Variants in CSNK1D observed in about 807,000 individuals in gnomAD.
The protein encoded by CSNK1D is casein kinase 1 delta, also known as casein kinase I isoform delta.
In CSNK1D, 16 loss-of-function variants were observed where a neutral mutation model predicts 46.6. That is an observed-to-expected ratio of 0.34 (90% CI 0.23 to 0.52). The LOEUF (loss-of-function observed/expected upper bound fraction) is 0.52. Ranked by LOEUF, CSNK1D falls within the 20% of genes least tolerant of loss-of-function variation. The probability of loss-of-function intolerance (pLI) is 0.95; values close to 1 mark genes in which losing one functional copy is unlikely to be tolerated. For synonymous variants in CSNK1D, 276 were observed against 228.2 expected (o/e 1.21, Z -1.89); for missense variants, 398 against 578.4 (o/e 0.69, Z 3.20).
In CSNK1D at chr17:82,249,139, C is replaced by G; in HGVS notation, c.1058-125G>C. ...CTGGACAGTCAGGACCTGGCTGTGG[C>G]CGATGGCCACCAACACTCAGATCCG... On this transcript the variant is annotated intron_variant, in intron 7 of 8. Coordinates refer to ENST00000314028, the MANE Select transcript of CSNK1D (RefSeq NM_001893.6). This position sits in a 1 kb window ranked among gnomAD's most constrained non-coding sequence, Gnocchi z 6.7. The G allele has an allele frequency of 8.4e-7, 1 of 1,184,578 alleles. No homozygotes were observed. 73.4% of individuals were successfully genotyped at this position (1,184,578 alleles called of 1,614,324 possible).
At chr17:82,240,249 ACT>A (rs528369695), downstream of CSNK1D, among the ~76,000 whole-genome samples, 64 of 152,106 alleles carry the variant, frequency 4.2e-4, 1 homozygote, top group South Asian at 0.012. Context: ...TCAAGGTCAG[ACT>A]CTGCACAGCT....
Position 82,249,235 on chromosome 17 carries a change from G to A in CSNK1D, c.1057+196C>T. The A allele has an allele frequency of 1.3e-6, 1 of 756,264 alleles. No individual in the cohort carries two copies. The highest frequency in any genetic ancestry group is 2.1e-6 in the Non-Finnish European group (1 of 475,928). 46.8% of individuals were successfully genotyped at this position (756,264 alleles called of 1,614,324 possible). A position where few individuals can be genotyped will look rare whatever the true frequency, so the allele number is the denominator to read the frequency against. Reference sequence around the variant, plus strand: ...CAGGGGAGGAACGTGAGATGCGGGAGGAATCACGCACACCAGCAGGTGCCG... The same window carrying A: ...CAGGGGAGGAACGTGAGATGCGGGAAGAATCACGCACACCAGCAGGTGCCG... On this transcript the variant is annotated intron_variant, in intron 7 of 8. Coordinates refer to ENST00000314028, the MANE Select transcript of CSNK1D (RefSeq NM_001893.6). This position sits in a 1 kb window ranked among gnomAD's most constrained non-coding sequence, Gnocchi z 6.7.
Position 82,252,941 on chromosome 17 carries a change from TG to T in CSNK1D, c.565+74del. 1 of 1,341,298 alleles carries T rather than the reference TG, an allele frequency of 7.5e-7. No homozygotes were observed. The highest frequency in any genetic ancestry group is 1.1e-6 in the Non-Finnish European group (1 of 941,518). 83.1% of individuals were successfully genotyped at this position (1,341,298 alleles called of 1,614,324 possible). A position where few individuals can be genotyped will look rare whatever the true frequency, so the allele number is the denominator to read the frequency against. ...TTGCAGCCCCAGCTCCCCGAGAGGC[TG>T]GCCTCTCCCTGGGCTGAGGCATGGA... On this transcript the variant is annotated intron_variant, in intron 4 of 8. Transcript: ENST00000314028. This position sits in a 1 kb window ranked among gnomAD's most constrained non-coding sequence, Gnocchi z 4.6.
rs1599571216 is a variant in CSNK1D at position 82,243,983 on chromosome 17, C to A, written c.*798G>T. ...TGGGGAAGAAGCGCGCAGTGCTTTG[C>A]CTGGTAACACCCACTGCACCCCTGC... On this transcript the variant is annotated 3_prime_UTR_variant, in exon 9 of 9. Transcript: ENST00000314028. 1.0e-6 allele frequency: 1 copy of A among 986,322 alleles called. No homozygotes were observed. Among genetic ancestry groups the A allele is most frequent in the African/African-American group, 1.7e-5 (1 of 57,332 alleles). The allele number at this position is 986,322 out of a possible 1,614,324, so 61.1% of individuals were successfully genotyped here. A position where few individuals can be genotyped will look rare whatever the true frequency, so the allele number is the denominator to read the frequency against.
rs574351960 is a variant in CSNK1D, at chr17:82,250,444, C to T, written c.886-842G>A. 6 of 336,796 alleles carry T rather than the reference C, an allele frequency of 1.8e-5. No homozygotes were observed. The highest frequency in any genetic ancestry group is 3.6e-5 in the Non-Finnish European group (6 of 168,888). 20.9% of individuals were successfully genotyped at this position (336,796 alleles called of 1,614,324 possible). A position where few individuals can be genotyped will look rare whatever the true frequency, so the allele number is the denominator to read the frequency against. On this transcript the variant is annotated intron_variant, in intron 6 of 8. Transcript: ENST00000314028. This position sits in a 1 kb window ranked among gnomAD's most constrained non-coding sequence, Gnocchi z 4.6. ...GGTGACTCTAATGCCGCAGGAGGGT[C>T]GCTCTGATTCCTCCCGAGGCAGCAC...
chr17:82,252,594 T>C lies in CSNK1D; in HGVS notation c.576A>G (p.Arg192=), dbSNP rs144107104. The change falls in exon 5 of 9, where the codon CGA becomes CGG. Residue 192 remains arginine, a synonymous_variant. Transcript: ENST00000314028. The surrounding 1 kb of genome is among the most constrained non-coding windows in gnomAD (Gnocchi z 4.6). ...INTHLGIEQS[R]RDDLESLGYV... is the part of the protein sequence containing the mutation. ...AGCCCAGAGACTCCAAGTCATCTCT[T>C]CGGGATTGTTCTGAAAAGAAAAGGG... 64 of 1,613,744 alleles carry C rather than the reference T, an allele frequency of 4.0e-5. No individual in the cohort carries two copies. The African/African-American group carries it at 8.0e-4, about 20-fold the overall frequency.
At position 82,248,443 on chromosome 17, in the gene CSNK1D, G is replaced by A. The variant is rs1415755664; in HGVS notation, c.1197+432C>T. On this transcript the variant is annotated intron_variant, in intron 8 of 8. Transcript: ENST00000314028. The surrounding 1 kb of genome is among the most constrained non-coding windows in gnomAD (Gnocchi z 4.1). ...CCAGGGAGGGTCTCACAAGAAGCCC[G>A]TGGAGGTCCCTACGGGCCTCCATCC... 1.2e-5 allele frequency: 12 copies of A among 1,032,432 alleles called. No individual in the cohort carries two copies. Among genetic ancestry groups the A allele is most frequent in the Non-Finnish European group, 1.4e-5 (12 of 856,118 alleles). The allele number at this position is 1,032,432 out of a possible 1,614,324, so 64.0% of individuals were successfully genotyped here.
At position 82,249,244 on chromosome 17, in the gene CSNK1D, C is replaced by T. The variant is rs561995184; in HGVS notation, c.1057+187G>A. On this transcript the variant is annotated intron_variant, in intron 7 of 8. Transcript: ENST00000314028. This position sits in a 1 kb window ranked among gnomAD's most constrained non-coding sequence, Gnocchi z 6.7. Reference sequence around the variant, plus strand: ...AACGTGAGATGCGGGAGGAATCACGCACACCAGCAGGTGCCGGCATTTCTA... The same window carrying T: ...AACGTGAGATGCGGGAGGAATCACGTACACCAGCAGGTGCCGGCATTTCTA... The T allele has an allele frequency of 1.8e-4, 137 of 767,132 alleles. 6 individuals carry two copies. In the South Asian group the frequency reaches 2.4e-3, roughly 13 times the overall value. The allele number at this position is 767,132 out of a possible 1,614,324, so 47.5% of individuals were successfully genotyped here. A position where few individuals can be genotyped will look rare whatever the true frequency, so the allele number is the denominator to read the frequency against.
rs758237794 is a variant in CSNK1D at position 82,243,574 on chromosome 17, C to T, written c.*1207G>A. On this transcript the variant is annotated 3_prime_UTR_variant, in exon 9 of 9. Coordinates refer to ENST00000314028, the MANE Select transcript of CSNK1D (RefSeq NM_001893.6). Reference sequence around the variant, plus strand: ...ACACGCGCCCAACAGAAGGTCACAGCGCAGACTCTACTTTCTGGCCGTGAA... The same window carrying T: ...ACACGCGCCCAACAGAAGGTCACAGTGCAGACTCTACTTTCTGGCCGTGAA... The T allele has an allele frequency of 4.3e-5, 42 of 985,352 alleles. No homozygotes were observed. Among genetic ancestry groups the T allele is most frequent in the African/African-American group, 1.7e-4 (10 of 57,234 alleles). 61.0% of individuals were successfully genotyped at this position (985,352 alleles called of 1,614,324 possible).
In CSNK1D at chr17:82,249,050, C is replaced by G. The variant is rs1320628331; in HGVS notation, c.1058-36G>C. The G allele has an allele frequency of 3.2e-6, 5 of 1,545,424 alleles. No individual in the cohort carries two copies. Among genetic ancestry groups the G allele is most frequent in the Non-Finnish European group, 4.4e-6 (5 of 1,143,790 alleles). On this transcript the variant is annotated intron_variant, in intron 7 of 8. Transcript: ENST00000314028. This position sits in a 1 kb window ranked among gnomAD's most constrained non-coding sequence, Gnocchi z 6.7. ...GGAGAGAAACGGAGTGGGCCGCCCC[C>G]GTCTGCTGCCTCTCACTCGGGGCTT...
At chr17:82,262,892 A>T (rs2051376081) in intron 2 of CSNK1D, among the ~76,000 whole-genome samples, 1 of 152,214 alleles carries the variant, frequency 6.6e-6, no homozygotes, top group African/African-American at 2.4e-5. Context: ...AGATCTTTAC[A>T]GTATCTGACG....
In CSNK1D at chr17:82,273,473, C is replaced by G; in HGVS notation, c.-92G>C. 1 of 1,459,784 alleles carries G rather than the reference C, an allele frequency of 6.9e-7. No individual in the cohort carries two copies. Among genetic ancestry groups the G allele is most frequent in the South Asian group, 1.2e-5 (1 of 83,770 alleles). The allele number at this position is 1,459,784 out of a possible 1,614,324, so 90.4% of individuals were successfully genotyped here. A position where few individuals can be genotyped will look rare whatever the true frequency, so the allele number is the denominator to read the frequency against. ...CGCCGCTGCTGCCGCTACTGCGGGT[C>G]CGGCTCCCGGCTCCGCCCCCCTCAC... On this transcript the variant is annotated 5_prime_UTR_variant, in exon 1 of 9. Coordinates refer to ENST00000314028, the MANE Select transcript of CSNK1D (RefSeq NM_001893.6). This position sits in a 1 kb window ranked among gnomAD's most constrained non-coding sequence, Gnocchi z 5.1.
In CSNK1D at chr17:82,249,508, G is replaced by A. The variant is rs1427430485; in HGVS notation, c.980C>T (p.Pro327Leu). Residue 327 changes from proline to leucine, a missense_variant, in exon 7 of 9, where the codon CCT (proline) becomes CTT (leucine). By Grantham distance (98) the Pro-to-Leu change is moderately conservative. Around this residue, in one of 2 missense-constraint regions of CSNK1D, gnomAD observed 181 missense variants for 208.0 expected, o/e 0.87. Transcript: ENST00000314028. The surrounding 1 kb of genome is among the most constrained non-coding windows in gnomAD (Gnocchi z 6.7). ...HSRNPATRGL[P>L]STASGRLRGT... ...CCGCAGGCGGCCGGAGGCTGTGGAA[G>A]GGAGGCCGCGGGTAGCCGGGTTCCG... is the stretch of plus-strand genomic sequence containing the variant. 4 of 1,544,306 alleles carry A rather than the reference G, an allele frequency of 2.6e-6. No individual in the cohort carries two copies. Among genetic ancestry groups the A allele is most frequent in the East Asian group, 2.4e-5 (1 of 41,020 alleles).
At chr17:82,240,055 C>T (rs2050720737), downstream of CSNK1D, 1 of 1,233,828 alleles carries the variant, frequency 8.1e-7, no homozygotes, top group Non-Finnish European at 1.0e-6. Flanking sequence ...TGCCATGTCC[C>T]TGCTCCTCTG....
At chr17:82,246,281 C>A in intron 8 of CSNK1D, 5 of 1,418,394 alleles carry the variant, frequency 3.5e-6, no homozygotes, top group Non-Finnish European at 4.6e-6. Context: ...TGGCATGGGA[C>A]AGGCCCTCCT....
chr17:82,246,049 G>A (rs573694274), intron 8 of CSNK1D: 2 of 1,607,114 alleles, frequency 1.2e-6, no homozygotes, highest in East Asian at 2.3e-5. Flanking sequence ...TCTGAGGTGG[G>A]GAAAAGACAG....
intron 1 of CSNK1D, among the ~76,000 whole-genome samples, chr17:82,271,225 A>C (rs1185662149): frequency 6.6e-6 from 1 of 152,156 alleles, no homozygotes. Context: ...ACAGGCAGCC[A>C]CCACCACGCC....
chr17:82,265,924 A>C lies in CSNK1D; in HGVS notation c.77-128T>G, dbSNP rs561720380. 24 of 811,510 alleles carry C rather than the reference A, an allele frequency of 3.0e-5. No individual in the cohort carries two copies. In the East Asian group the frequency reaches 5.2e-4, roughly 17 times the overall value. The allele number at this position is 811,510 out of a possible 1,614,324, so 50.3% of individuals were successfully genotyped here. A position where few individuals can be genotyped will look rare whatever the true frequency, so the allele number is the denominator to read the frequency against. On this transcript the variant is annotated intron_variant, in intron 1 of 8. Transcript: ENST00000314028. ...AAGTGAGGGATGTGTTCTCCTTCCT[A>C]GCATAGTAAGGCGGGCTAATCGGCT...
At position 82,252,349 on chromosome 17, in the gene CSNK1D, AC is replaced by A; in HGVS notation, c.736+84del. 6.6e-7 allele frequency: 1 copy of A among 1,522,952 alleles called. No homozygotes were observed. Among genetic ancestry groups the A allele is most frequent in the African/African-American group, 1.4e-5 (1 of 73,094 alleles). 94.3% of individuals were successfully genotyped at this position (1,522,952 alleles called of 1,614,324 possible). ...GAAGGTGAGCAACTCTTCTGACAAA[AC>A]CCAGACTGAGCCGTCTCGGCACACC... On this transcript the variant is annotated intron_variant, in intron 5 of 8. Transcript: ENST00000314028. This position sits in a 1 kb window ranked among gnomAD's most constrained non-coding sequence, Gnocchi z 4.6.
Sources: gnomAD v4.1 joint callset for allele counts (sites outside exome capture counted in the v4.1 genomes callset) on GRCh38, gnomAD v4.1.1 for gene constraint, gnomAD v4.1.1 regional missense constraint, Gnocchi (gnomAD v3.1) non-coding constraint, MANE v1.5 for transcripts, NCBI Gene and HGNC (gene_info 2026-07-23, HGNC 2026-07-21) for gene names.